Variants in LRP1B observed in about 807,000 individuals in gnomAD.
LRP1B encodes low-density lipoprotein receptor-related protein 1B.
A neutral mutation model predicts 556.6 loss-of-function variants in LRP1B; 217 were observed. That is an observed-to-expected ratio of 0.39 (90% CI 0.35 to 0.44). The LOEUF is 0.44. Among genes scored for constraint, LRP1B ranks in the 20% least tolerant of loss-of-function variants. LRP1B has a pLI of 1.00. For synonymous variants in LRP1B, 2,047 were observed against 1,865.8 expected (o/e 1.10, Z -2.50); for missense variants, 5,053 against 5,620.8 (o/e 0.90, Z 3.23).
chr2:141,150,384 C>T (rs917112670), intron 7 of LRP1B, among the ~76,000 whole-genome samples: 2 of 152,182 alleles, frequency 1.3e-5, no homozygotes, highest in Non-Finnish European at 2.9e-5. Flanking sequence ...TGTATTTCCT[C>T]AGATCACAAA....
At position 141,424,408 on chromosome 2, in the gene LRP1B, G is replaced by A. The variant is rs547324685; in HGVS notation, c.343+55988C>T. ...ATTACAGGCATGAGCCACCGCACCC[G>A]GCCTCATCTTCTTAAATAACTACTT... On this transcript the variant is annotated intron_variant, in intron 3 of 90. Coordinates refer to ENST00000389484, the MANE Select transcript of LRP1B (RefSeq NM_018557.3). Among the ~76,000 whole-genome samples the A allele has an allele frequency of 2.6e-5, 4 of 152,078 alleles. No homozygotes were observed. In the South Asian group the frequency reaches 6.2e-4, roughly 24 times the overall value.
At chr2:141,900,993 T>C (rs1394053954) in intron 1 of LRP1B, among the ~76,000 whole-genome samples, 1 of 151,950 alleles carries the variant, frequency 6.6e-6, no homozygotes, top group Non-Finnish European at 1.5e-5. Flanking sequence ...GGTGTATTCA[T>C]CCTAGATTAC....
intron 84 of LRP1B, among the ~76,000 whole-genome samples, chr2:140,291,755 T>C (rs1043470777): frequency 3.3e-5 from 5 of 152,160 alleles, no homozygotes; most frequent in Admixed American, 2.6e-4. Flanking sequence ...TTGTGAATAG[T>C]GCCACAATAA....
intron 6 of LRP1B, among the ~76,000 whole-genome samples, chr2:141,206,328 T>TC (rs1682279913): frequency 6.6e-6 from 1 of 152,062 alleles, no homozygotes; most frequent in Non-Finnish European, 1.5e-5. Context: ...ACGCCTGTAA[T>TC]CCCAGCACTT....
In LRP1B at chr2:140,495,722, C is replaced by T. The variant is rs2104874163; in HGVS notation, c.8877G>A (p.Leu2959=). 1.2e-6 allele frequency: 2 copies of T among 1,610,140 alleles called. No individual in the cohort carries two copies. Among genetic ancestry groups the T allele is most frequent in the Non-Finnish European group, 1.7e-6 (2 of 1,176,700 alleles). The change falls in exon 56 of 91, where the codon CTG becomes CTA. Residue 2959 remains leucine, a synonymous_variant. Transcript: ENST00000389484. ...CTACACATGTTTTGCCGTCATCCTT[C>T]AGTTGGAATCCAGGCCAGCATTTGC... ...YKCKCWPGFQ[L]KDDGKTCVDI... is the part of the protein sequence containing the mutation.
intron 1 of LRP1B, among the ~76,000 whole-genome samples, chr2:142,069,497 T>TCCACC (rs10669903): frequency 0.98 from 148,942 of 151,546 alleles, 73,230 homozygotes; most frequent in Non-Finnish European, 1. Flanking sequence ...CTCCCCCACC[T>TCCACC]CTGAACCATA....
chr2:141,217,071 G>T (rs1365561869), intron 6 of LRP1B, among the ~76,000 whole-genome samples: 1 of 152,124 alleles, frequency 6.6e-6, no homozygotes, highest in Admixed American at 6.6e-5. Flanking sequence ...GAGAGACCAG[G>T]AGAGGAATGA....
intron 35 of LRP1B, among the ~76,000 whole-genome samples, chr2:140,740,985 C>A (rs1688117886): frequency 3.3e-5 from 5 of 152,112 alleles, no homozygotes; most frequent in Non-Finnish European, 7.4e-5. Flanking sequence ...CACCACTCAG[C>A]CCATAATAGG....
chr2:141,309,364 G>A (rs1051486636), intron 3 of LRP1B, among the ~76,000 whole-genome samples: 5 of 152,186 alleles, frequency 3.3e-5, no homozygotes, highest in Non-Finnish European at 4.4e-5. Flanking sequence ...TTCCGTGAAC[G>A]GAAAAGAGAT....
chr2:141,803,892 A>C (rs973523862), intron 2 of LRP1B, among the ~76,000 whole-genome samples: 2 of 152,176 alleles, frequency 1.3e-5, no homozygotes, highest in African/African-American at 4.8e-5. Flanking sequence ...AGTTCATTAA[A>C]ATCCTACTAC....
chr2:141,211,809 A>G (rs1004199824), intron 6 of LRP1B, among the ~76,000 whole-genome samples: 4 of 152,190 alleles, frequency 2.6e-5, no homozygotes, highest in African/African-American at 9.6e-5. Flanking sequence ...AATTCTCTGG[A>G]AACACGTCCT....
chr2:140,301,181 C>A (rs1044274880), intron 83 of LRP1B, among the ~76,000 whole-genome samples: 2 of 152,000 alleles, frequency 1.3e-5, no homozygotes, highest in Non-Finnish European at 2.9e-5. Context: ...TAAATATGCT[C>A]GATTCTACCT....
chr2:140,706,420 TG>T (rs1045378586), intron 37 of LRP1B, among the ~76,000 whole-genome samples: 2 of 152,202 alleles, frequency 1.3e-5, no homozygotes, highest in African/African-American at 4.8e-5. Flanking sequence ...GAATTTTATC[TG>T]AATAATAAAA....
intron 2 of LRP1B, among the ~76,000 whole-genome samples, chr2:141,655,891 C>G (rs1408209727): frequency 1.3e-5 from 2 of 152,028 alleles, no homozygotes; most frequent in African/African-American, 2.4e-5. Flanking sequence ...GAGGATGAAA[C>G]TGGGTCTTAT....
intron 86 of LRP1B, among the ~76,000 whole-genome samples, chr2:140,247,721 C>A (rs1388069673): frequency 6.6e-6 from 1 of 151,486 alleles, no homozygotes; most frequent in African/African-American, 2.4e-5. Flanking sequence ...AGAATGTGCC[C>A]AAGTTTTTAT....
intron 2 of LRP1B, among the ~76,000 whole-genome samples, chr2:141,737,029 T>C (rs1003403035): frequency 1.3e-5 from 2 of 152,108 alleles, no homozygotes; most frequent in Non-Finnish European, 2.9e-5. Flanking sequence ...AAGAAAACCA[T>C]GTTCTCCCTT....
intron 1 of LRP1B, among the ~76,000 whole-genome samples, chr2:141,951,253 T>C (rs1445894810): frequency 6.6e-6 from 1 of 152,112 alleles, no homozygotes; most frequent in Non-Finnish European, 1.5e-5. Context: ...TTAAGTTCTT[T>C]AGTGGTAATT....
intron 2 of LRP1B, among the ~76,000 whole-genome samples, chr2:141,800,448 T>C (rs1695973997): frequency 6.6e-6 from 1 of 152,252 alleles, no homozygotes; most frequent in African/African-American, 2.4e-5. Flanking sequence ...TGCATCTTCA[T>C]GCAAATTAGA....
At position 140,915,447 on chromosome 2, in the gene LRP1B, G is replaced by C. The variant is rs992893615; in HGVS notation, c.3320-7370C>G. Among the ~76,000 whole-genome samples, 14 of 151,172 alleles carry C rather than the reference G, an allele frequency of 9.3e-5. 1 individual carries two copies. The highest frequency in any genetic ancestry group is 6.6e-4 in the Admixed American group (10 of 15,118). On this transcript the variant is annotated intron_variant, in intron 21 of 90. Transcript: ENST00000389484. ...GTGAATCACTTGAAGTAAGGAGTTC[G>C]AGAACAGCCTGGCCAACATGGTGAA...
Sources: allele counts gnomAD v4.1 joint callset (sites outside exome capture counted in the v4.1 genomes callset), GRCh38; gene constraint gnomAD v4.1.1; transcripts MANE v1.5; gene names NCBI Gene and HGNC (gene_info 2026-07-23, HGNC 2026-07-21).